Variants in TAFA2 observed in about 807,000 individuals in gnomAD.
TAFA2 encodes TAFA chemokine like family member 2.
Under a neutral mutation model 18.8 loss-of-function variants are expected in TAFA2, and 7 were observed. The ratio of observed to expected loss-of-function variants is 0.37; its 90% CI spans 0.21 to 0.70. The LOEUF (loss-of-function observed/expected upper bound fraction) is 0.70, where lower values mean the gene tolerates loss of function less well. TAFA2 is among the 30% of genes least tolerant of loss of function. TAFA2 has a pLI of 0.53. For missense variants in TAFA2, 122 were observed against 158.1 expected (o/e 0.77, Z 1.23); for synonymous variants, 60 against 54.2 (o/e 1.11, Z -0.47).
At chr12:62,231,991 G>A (rs2062813539) in intron 1 of TAFA2, among the ~76,000 whole-genome samples, 1 of 152,004 alleles carries the variant, frequency 6.6e-6, no homozygotes, top group Admixed American at 6.6e-5. Flanking sequence ...TGATCTTAGG[G>A]GTAAATAAGT....
chr12:61,944,574 A>G (rs1878183526), intron 1 of TAFA2, among the ~76,000 whole-genome samples: 1 of 109,924 alleles, frequency 9.1e-6, no homozygotes, highest in Non-Finnish European at 1.9e-5. Context: ...TAATAAAGAA[A>G]AAAAGAGAGA....
chr12:61,766,814 T>C (rs1259910152), intron 2 of TAFA2, among the ~76,000 whole-genome samples: 3 of 152,126 alleles, frequency 2.0e-5, no homozygotes, highest in Admixed American at 6.6e-5. Flanking sequence ...GATAAACTTA[T>C]TGGAAATTGT....
chr12:61,961,435 G>T (rs1221957438), intron 1 of TAFA2, among the ~76,000 whole-genome samples: 2 of 151,906 alleles, frequency 1.3e-5, no homozygotes, highest in South Asian at 2.1e-4. Context: ...TAAATTATCT[G>T]ATTTCTAATC....
At chr12:61,934,919 T>C (rs1169939604) in intron 1 of TAFA2, among the ~76,000 whole-genome samples, 3 of 152,208 alleles carry the variant, frequency 2.0e-5, no homozygotes. Context: ...TTTTGAGAAA[T>C]ATTTTTAATG....
intron 1 of TAFA2, among the ~76,000 whole-genome samples, chr12:61,997,637 G>A (rs1177404494): frequency 1.3e-5 from 2 of 152,116 alleles, no homozygotes; most frequent in Non-Finnish European, 2.9e-5. Flanking sequence ...TTCACTGTGG[G>A]AGGGCAAGAG....
intron 1 of TAFA2, among the ~76,000 whole-genome samples, chr12:61,972,389 A>C (rs1185441928): frequency 6.6e-6 from 1 of 151,586 alleles, no homozygotes; most frequent in Non-Finnish European, 1.5e-5. Context: ...GGAAGATCCC[A>C]AATTAGTTTC....
At chr12:62,230,684 T>A (rs1592411127) in intron 1 of TAFA2, among the ~76,000 whole-genome samples, 1 of 152,192 alleles carries the variant, frequency 6.6e-6, no homozygotes, top group Non-Finnish European at 1.5e-5. Flanking sequence ...GTTTGTTTGT[T>A]TGTTTGTTTT....
intron 1 of TAFA2, among the ~76,000 whole-genome samples, chr12:62,133,396 T>A (rs551121669): frequency 6.6e-6 from 1 of 152,062 alleles, no homozygotes; most frequent in Admixed American, 6.6e-5. Flanking sequence ...TCAGGACTTA[T>A]AATGAAAATT....
chr12:61,766,641 C>T (rs894311872), intron 2 of TAFA2, among the ~76,000 whole-genome samples: 1 of 151,998 alleles, frequency 6.6e-6, no homozygotes, highest in Non-Finnish European at 1.5e-5. Flanking sequence ...AAATCTATGG[C>T]TTTTAATCTA....
chr12:62,168,877 T>A (rs1481523892), intron 1 of TAFA2, among the ~76,000 whole-genome samples: 1 of 151,668 alleles, frequency 6.6e-6, no homozygotes, highest in East Asian at 1.9e-4. Context: ...TATCAACAAA[T>A]GACTGTATGG....
chr12:62,092,848 T>C (rs1158917827), intron 1 of TAFA2, among the ~76,000 whole-genome samples: 2 of 152,004 alleles, frequency 1.3e-5, no homozygotes, highest in Non-Finnish European at 2.9e-5. Flanking sequence ...TAAACTTCTC[T>C]AGACAGTTTC....
chr12:61,800,129 T>C (rs552671827), intron 2 of TAFA2, among the ~76,000 whole-genome samples: 1 of 152,138 alleles, frequency 6.6e-6, no homozygotes, highest in African/African-American at 2.4e-5. Context: ...TTTGAAGTAA[T>C]AAAATTAGTG....
At position 61,777,442 on chromosome 12, in the gene TAFA2, T is replaced by A. The variant is rs1870312345; in HGVS notation, c.107-22418A>T. 3.3e-5 allele frequency among the ~76,000 whole-genome samples: 5 copies of A among 151,622 alleles called. No individual in the cohort carries two copies. The South Asian group carries it at 1.0e-3, about 31-fold the overall frequency. Reference sequence around the variant, plus strand: ...ATCATTATTATAAATTCAGGGAGAGTCCAATTATCCTATTATCCTTGTGAA... The same window carrying A: ...ATCATTATTATAAATTCAGGGAGAGACCAATTATCCTATTATCCTTGTGAA... On this transcript the variant is annotated intron_variant, in intron 2 of 4. Transcript: ENST00000416284.
At chr12:62,150,902 C>A (rs2062323771) in intron 1 of TAFA2, among the ~76,000 whole-genome samples, 2 of 150,674 alleles carry the variant, frequency 1.3e-5, no homozygotes, top group Non-Finnish European at 3.0e-5. Flanking sequence ...AAAAAAAAAA[C>A]TGCTTCATCC....
At chr12:62,158,389 C>T (rs975707692) in intron 1 of TAFA2, among the ~76,000 whole-genome samples, 8 of 152,152 alleles carry the variant, frequency 5.3e-5, no homozygotes, top group Non-Finnish European at 1.2e-4. Flanking sequence ...TGGTACTAGT[C>T]TAAAAGGGAG....
chr12:62,199,089 A>G (rs1009429207), intron 1 of TAFA2, among the ~76,000 whole-genome samples: 4 of 152,190 alleles, frequency 2.6e-5, no homozygotes, highest in African/African-American at 9.7e-5. Context: ...GGGCTTACTC[A>G]TGTGTCTGAA....
At chr12:62,106,363 C>CA (rs769439710) in intron 1 of TAFA2, among the ~76,000 whole-genome samples, 10 of 151,206 alleles carry the variant, frequency 6.6e-5, no homozygotes, top group East Asian at 5.8e-4. Context: ...AAAACAAAAA[C>CA]AAAAAAACAA....
chr12:61,888,033 C>T (rs1225326712), intron 1 of TAFA2, among the ~76,000 whole-genome samples: 1 of 151,780 alleles, frequency 6.6e-6, no homozygotes, highest in Non-Finnish European at 1.5e-5. Flanking sequence ...CAATGAGATA[C>T]CATCTCACAC....
At chr12:62,020,939 C>G (rs1881109174) in intron 1 of TAFA2, among the ~76,000 whole-genome samples, 1 of 152,066 alleles carries the variant, frequency 6.6e-6, no homozygotes, top group South Asian at 2.1e-4. Context: ...TTTTAGTGCC[C>G]CTAAATAAAG....
Sources: allele counts gnomAD v4.1 joint callset (sites outside exome capture counted in the v4.1 genomes callset), GRCh38; gene constraint gnomAD v4.1.1; transcripts MANE v1.5; gene names NCBI Gene and HGNC (gene_info 2026-07-23, HGNC 2026-07-21).